Variants in MAGI2 observed in about 807,000 individuals in gnomAD.
MAGI2 encodes membrane-associated guanylate kinase, WW and PDZ domain-containing protein 2.
MAGI2 carries 35 observed loss-of-function variants against 133.3 expected under a neutral mutation model. The observed-to-expected ratio is 0.26, with a 90% CI of 0.20 to 0.35. The LOEUF (loss-of-function observed/expected upper bound fraction) is 0.35. Ranked by LOEUF, MAGI2 falls within the 10% of genes least tolerant of loss-of-function variation. MAGI2 has a pLI of 1.00. For missense variants in MAGI2, 1,636 were observed against 1,863.4 expected (o/e 0.88, Z 2.25); for synonymous variants, 729 against 710.6 (o/e 1.03, Z -0.41).
At chr7:78,404,955 C>T (rs1416816398) in intron 6 of MAGI2, among the ~76,000 whole-genome samples, 1 of 152,106 alleles carries the variant, frequency 6.6e-6, no homozygotes, top group African/African-American at 2.4e-5. Context: ...CTACAAAGAA[C>T]TTAAACAATT....
intron 1 of MAGI2, among the ~76,000 whole-genome samples, chr7:79,100,944 C>T (rs1275962742): frequency 6.6e-6 from 1 of 151,838 alleles, no homozygotes; most frequent in Non-Finnish European, 1.5e-5. Context: ...CTTTTTCCTA[C>T]TGAGATAAAA....
intron 7 of MAGI2, chr7:78,358,209 ATATATATATAT>A (rs1397769510): frequency 6.5e-5 from 3 of 46,378 alleles, no homozygotes; most frequent in African/African-American, 2.0e-4. Flanking sequence ...ATATATATAT[ATATATATATAT>A]ATATATATAT....
intron 10 of MAGI2, among the ~76,000 whole-genome samples, chr7:78,217,885 G>A (rs1584436724): frequency 1.3e-5 from 2 of 152,204 alleles, no homozygotes; most frequent in African/African-American, 4.8e-5. Context: ...CCTGGGGGCT[G>A]TAGTGGCAGA....
intron 9 of MAGI2, among the ~76,000 whole-genome samples, chr7:78,303,512 T>G (rs977518281): frequency 5.9e-5 from 9 of 151,550 alleles, no homozygotes; most frequent in African/African-American, 2.2e-4. Context: ...CCACCCCACA[T>G]TTTTATAGTT....
intron 3 of MAGI2, among the ~76,000 whole-genome samples, chr7:78,601,405 A>T (rs1805192338): frequency 6.6e-6 from 1 of 152,050 alleles, no homozygotes. Context: ...ATCACTTGTA[A>T]TTTTTTTCTT....
chr7:78,229,586 C>A (rs114308989), intron 10 of MAGI2, among the ~76,000 whole-genome samples: 2 of 152,186 alleles, frequency 1.3e-5, no homozygotes, highest in Non-Finnish European at 2.9e-5. Flanking sequence ...GGAGACAGCC[C>A]GTGGTCCTGC....
chr7:79,241,249 A>G (rs1272769165), intron 1 of MAGI2, among the ~76,000 whole-genome samples: 2 of 152,214 alleles, frequency 1.3e-5, no homozygotes, highest in African/African-American at 4.8e-5. Context: ...ACACAACAGA[A>G]TAAACTGCCA....
chr7:79,172,447 T>C (rs1463373868), intron 1 of MAGI2, among the ~76,000 whole-genome samples: 2 of 152,012 alleles, frequency 1.3e-5, no homozygotes, highest in Non-Finnish European at 2.9e-5. Context: ...AATCTTGCCA[T>C]TATAAGAATG....
intron 1 of MAGI2, among the ~76,000 whole-genome samples, chr7:79,208,257 AT>A (rs1158756502): frequency 6.6e-6 from 1 of 151,966 alleles, no homozygotes; most frequent in Non-Finnish European, 1.5e-5. Flanking sequence ...AACCTACAGA[AT>A]GGGAAAAATA....
In MAGI2 at chr7:78,582,371, CAACT is replaced by C. The variant is rs373179057; in HGVS notation, c.538+44745_538+44748del. Among the ~76,000 whole-genome samples the C allele has an allele frequency of 4.2e-3, 636 of 152,184 alleles. 4 individuals carry two copies. Among genetic ancestry groups the C allele is most frequent in the Middle Eastern group, 0.024 (7 of 294 alleles). ...CTGTCCTCACTGAACAGAAAGTCAC[CAACT>C]GAGATCTGTAAAATTGTTATGCAAT... On this transcript the variant is annotated intron_variant, in intron 3 of 21. Coordinates refer to ENST00000354212, the MANE Select transcript of MAGI2 (RefSeq NM_012301.4).
chr7:78,282,628 G>A (rs958287701), intron 9 of MAGI2, among the ~76,000 whole-genome samples: 3 of 152,040 alleles, frequency 2.0e-5, no homozygotes, highest in African/African-American at 4.8e-5. Context: ...GTAATTTTCT[G>A]CATACAATTC....
At chr7:79,035,060 C>T (rs898563918) in intron 1 of MAGI2, among the ~76,000 whole-genome samples, 9 of 151,906 alleles carry the variant, frequency 5.9e-5, no homozygotes, top group Non-Finnish European at 1.3e-4. Context: ...GAAATAATCA[C>T]CTCTACAGAT....
chr7:79,257,952 A>G (rs1295079913), intron 1 of MAGI2, among the ~76,000 whole-genome samples: 1 of 152,156 alleles, frequency 6.6e-6, no homozygotes, highest in Non-Finnish European at 1.5e-5. Flanking sequence ...CTGGCAAGAG[A>G]ACATATAAGA....
chr7:79,061,997 C>T (rs1813794525), intron 1 of MAGI2, among the ~76,000 whole-genome samples: 1 of 152,084 alleles, frequency 6.6e-6, no homozygotes, highest in Admixed American at 6.6e-5. Flanking sequence ...CACATGAAAT[C>T]CACAATACAT....
chr7:78,611,203 T>G (rs1192320769), intron 3 of MAGI2, among the ~76,000 whole-genome samples: 1 of 152,210 alleles, frequency 6.6e-6, no homozygotes, highest in Non-Finnish European at 1.5e-5. Context: ...GAGTTCTTAG[T>G]CTGTGCTTGG....
At chr7:78,773,366 T>C (rs147531110) in intron 2 of MAGI2, among the ~76,000 whole-genome samples, 31 of 152,076 alleles carry the variant, frequency 2.0e-4, no homozygotes, top group African/African-American at 7.0e-4. Flanking sequence ...AAAAACAGTA[T>C]AGCAACTAAC....
intron 2 of MAGI2, among the ~76,000 whole-genome samples, chr7:78,921,875 C>T (rs943633195): frequency 2.6e-5 from 4 of 152,074 alleles, no homozygotes; most frequent in Admixed American, 6.6e-5. Context: ...TCAGGTGATC[C>T]GCCTGCCTTG....
intron 9 of MAGI2, among the ~76,000 whole-genome samples, chr7:78,319,302 A>G (rs906612857): frequency 3.2e-5 from 3 of 93,978 alleles, no homozygotes; most frequent in Non-Finnish European, 5.9e-5. Context: ...GCAAAAACAA[A>G]CAAAAAACAA....
At chr7:79,274,197 C>T (rs1271448997) in intron 1 of MAGI2, among the ~76,000 whole-genome samples, 1 of 152,070 alleles carries the variant, frequency 6.6e-6, no homozygotes, top group Non-Finnish European at 1.5e-5. Flanking sequence ...TATTGTTTAT[C>T]TGACATTCAA....
Sources: gnomAD v4.1 joint callset for allele counts (sites outside exome capture counted in the v4.1 genomes callset) on GRCh38, gnomAD v4.1.1 for gene constraint, MANE v1.5 for transcripts, NCBI Gene and HGNC (gene_info 2026-07-23, HGNC 2026-07-21) for gene names.